Variants in CRYBG1 observed in about 807,000 individuals in gnomAD.
CRYBG1 encodes the protein crystallin beta-gamma domain containing 1, also known as beta/gamma crystallin domain-containing protein 1.
Under a neutral mutation model 189.2 loss-of-function variants are expected in CRYBG1, and 139 were observed. That is an observed-to-expected ratio of 0.73 (90% CI 0.64 to 0.85). CRYBG1 has a LOEUF of 0.85. Among genes scored for constraint, CRYBG1 ranks in the 40% least tolerant of loss-of-function variants. The probability of loss-of-function intolerance (pLI) is 0.00; values close to 1 mark genes in which losing one functional copy is unlikely to be tolerated. For synonymous variants in CRYBG1, 1,023 were observed against 1,017.1 expected, an observed-to-expected ratio of 1.01 and a Z score of -0.11; for missense variants, 2,611 against 2,675.8, an observed-to-expected ratio of 0.98 and a Z score of 0.53.
intron 1 of CRYBG1, among the ~76,000 whole-genome samples, chr6:106,378,992 C>CA (rs938182341): frequency 2.9e-4 from 44 of 151,968 alleles, no homozygotes; most frequent in African/African-American, 7.0e-4. Flanking sequence ...ACTAAAAATA[C>CA]AAAAAATAGC....
intron 1 of CRYBG1, among the ~76,000 whole-genome samples, chr6:106,399,153 C>G (rs60941988): frequency 3.3e-5 from 5 of 152,176 alleles, no homozygotes; most frequent in Admixed American, 2.0e-4. Flanking sequence ...ATTGAAGAAG[C>G]CTGATGAATC....
At chr6:106,384,899 T>C (rs1368776087) in intron 1 of CRYBG1, among the ~76,000 whole-genome samples, 2 of 85,624 alleles carry the variant, frequency 2.3e-5, no homozygotes, top group Non-Finnish European at 5.6e-5. Context: ...TGCAGTCTCT[T>C]TCAAAATCTC....
At chr6:106,363,651 A>G (rs1771923614) in intron 1 of CRYBG1, among the ~76,000 whole-genome samples, 1 of 152,198 alleles carries the variant, frequency 6.6e-6, no homozygotes, top group African/African-American at 2.4e-5. Flanking sequence ...AGGAGGGGAC[A>G]GTCAGGTAGC....
rs73520834 is a variant in CRYBG1, at chr6:106,533,908, A to C, written c.4718+3593A>C. On this transcript the variant is annotated intron_variant, in intron 8 of 21. Transcript: ENST00000633556. ...TCACTGGCAAAGAGAATGTATTTAA[A>C]CCAGGCACAGGACACAGTCCCAAAG... 2.9e-3 allele frequency among the ~76,000 whole-genome samples: 437 copies of C among 152,294 alleles called. 4 individuals are homozygous for C. The highest frequency in any genetic ancestry group is 0.01 in the African/African-American group (426 of 41,556).
intron 1 of CRYBG1, among the ~76,000 whole-genome samples, chr6:106,412,223 G>T (rs1770937099): frequency 6.6e-6 from 1 of 152,212 alleles, no homozygotes; most frequent in African/African-American, 2.4e-5. Flanking sequence ...GCACCACCCT[G>T]GTGCTGACAT....
chr6:106,366,128 G>A (rs1328326420), intron 1 of CRYBG1, among the ~76,000 whole-genome samples: 3 of 152,188 alleles, frequency 2.0e-5, no homozygotes, highest in African/African-American at 4.8e-5. Flanking sequence ...GAACTGTAGA[G>A]TGTTAGTCTT....
intron 1 of CRYBG1, among the ~76,000 whole-genome samples, chr6:106,369,087 T>C (rs1769961822): frequency 1.3e-5 from 2 of 152,210 alleles, no homozygotes; most frequent in African/African-American, 2.4e-5. Context: ...TTCAGAATAC[T>C]GATGGATTCA....
At chr6:106,481,469 C>G (rs958914905) in intron 2 of CRYBG1, among the ~76,000 whole-genome samples, 3 of 152,076 alleles carry the variant, frequency 2.0e-5, no homozygotes, top group Admixed American at 2.0e-4. Flanking sequence ...GGTCTCAGCC[C>G]TTCCTTTCCC....
intron 2 of CRYBG1, among the ~76,000 whole-genome samples, chr6:106,455,919 C>A (rs1016290693): frequency 1.7e-4 from 26 of 152,090 alleles, no homozygotes; most frequent in African/African-American, 6.0e-4. Flanking sequence ...CCCCTCAAAA[C>A]AAAAGTAACT....
At chr6:106,423,210 A>G (rs1467557798) in intron 1 of CRYBG1, among the ~76,000 whole-genome samples, 1 of 151,936 alleles carries the variant, frequency 6.6e-6, no homozygotes, top group Non-Finnish European at 1.5e-5. Context: ...CTGCAGACTA[A>G]AAGAAACTTG....
rs1390269109 is a variant in CRYBG1, at chr6:106,570,639, T to G, written c.*2073T>G. On this transcript the variant is annotated 3_prime_UTR_variant, in exon 22 of 22. Coordinates refer to ENST00000633556, the MANE Select transcript of CRYBG1 (RefSeq NM_001371242.2). ...GTTTCTGAGTGGAAACGAGGATGAGTGAGGTCCTGGCTCAAGTATTTTACT... is the reference window on the plus strand; with the variant it reads ...GTTTCTGAGTGGAAACGAGGATGAGGGAGGTCCTGGCTCAAGTATTTTACT... The G allele has an allele frequency of 6.6e-6, 1 of 152,092 alleles. No homozygotes were observed. The highest frequency in any genetic ancestry group is 6.6e-5 in the Admixed American group (1 of 15,256). 9.4% of individuals were successfully genotyped at this position (152,092 alleles called of 1,614,324 possible).
Position 106,512,262 on chromosome 6 carries a change from T to A in CRYBG1, c.1145T>A (p.Leu382Ter), listed in dbSNP as rs776793620. 2 of 1,558,116 alleles carry A rather than the reference T, an allele frequency of 1.3e-6. No homozygotes were observed. The highest frequency in any genetic ancestry group is 1.7e-6 in the Non-Finnish European group (2 of 1,155,382). The change falls in exon 3 of 22, where the codon TTG (leucine) becomes TAG (stop). Residue 382 changes from leucine (L) to a stop codon, truncating the protein, a stop_gained. Coordinates refer to ENST00000633556, the MANE Select transcript of CRYBG1 (RefSeq NM_001371242.2). LOFTEE classifies it high-confidence loss of function. ...PAKVLTLDIY[L>*]SKTEGAQVDE... ...AAGGTGCTAACTTTGGACATCTACT[T>A]GAGTAAGACTGAGGGGGCACAAGTG...
chr6:106,379,033 G>A (rs998907852), intron 1 of CRYBG1, among the ~76,000 whole-genome samples: 1 of 151,938 alleles, frequency 6.6e-6, no homozygotes, highest in Non-Finnish European at 1.5e-5. Flanking sequence ...TGTAGTCCCA[G>A]CTACTTTGCT....
At chr6:106,441,336 G>A (rs1394286760) in intron 1 of CRYBG1, among the ~76,000 whole-genome samples, 1 of 152,080 alleles carries the variant, frequency 6.6e-6, no homozygotes, top group Non-Finnish European at 1.5e-5. Flanking sequence ...ACTTTATTTG[G>A]ATAGATGGAG....
At chr6:106,409,664 A>G (rs1770888985) in intron 1 of CRYBG1, among the ~76,000 whole-genome samples, 1 of 152,214 alleles carries the variant, frequency 6.6e-6, no homozygotes, top group Non-Finnish European at 1.5e-5. Context: ...TGGTACTGGT[A>G]CCAAAACAGA....
intron 19 of CRYBG1, 78 bp downstream of exon 19, chr6:106,561,004 A>T: frequency 2.1e-6 from 3 of 1,425,992 alleles, no homozygotes; most frequent in African/African-American, 2.9e-5. Context: ...TTTTTATCCA[A>T]TTTTTTTATT....
At chr6:106,545,805 A>C (rs1467505556) in intron 13 of CRYBG1, among the ~76,000 whole-genome samples, 2 of 152,054 alleles carry the variant, frequency 1.3e-5, no homozygotes, top group African/African-American at 4.8e-5. Flanking sequence ...CAGCCTCCCA[A>C]GTAGTTGGGA....
intron 2 of CRYBG1, among the ~76,000 whole-genome samples, chr6:106,496,248 AT>A (rs1772848768): frequency 6.6e-6 from 1 of 152,254 alleles, no homozygotes; most frequent in Non-Finnish European, 1.5e-5. Context: ...CATAAGACCT[AT>A]TAAACTTTGC....
chr6:106,511,905 C>G lies in CRYBG1; in HGVS notation c.788C>G (p.Ser263Cys). The change falls in exon 3 of 22, where the codon TCC (serine) becomes TGC (cysteine). Residue 263 changes from serine to cysteine, a missense_variant. Physicochemically the swap from Ser to Cys is moderately radical, Grantham distance 112 (BLOSUM62 -1). Transcript: ENST00000633556. Reference sequence around the variant, plus strand: ...CTGCATTCCTCGCCGGGAAATTCCTCCAGGCAAGAGAACGCAGAGACGCCC... The same window carrying G: ...CTGCATTCCTCGCCGGGAAATTCCTGCAGGCAAGAGAACGCAGAGACGCCC... ...KQLHSSPGNS[S>C]RQENAETPAR... 6.6e-7 allele frequency: 1 copy of G among 1,524,032 alleles called. No individual in the cohort carries two copies. 94.4% of individuals were successfully genotyped at this position (1,524,032 alleles called of 1,614,324 possible). A position where few individuals can be genotyped will look rare whatever the true frequency, so the allele number is the denominator to read the frequency against.
Sources: allele counts gnomAD v4.1 joint callset (sites outside exome capture counted in the v4.1 genomes callset), GRCh38; gene constraint gnomAD v4.1.1; transcripts MANE v1.5; gene names NCBI Gene and HGNC (gene_info 2026-07-23, HGNC 2026-07-21).